The following MLANA variants were observed in gnomAD, a reference collection of about 807,000 sequenced individuals.
MLANA encodes the protein melan-A.
A neutral mutation model predicts 15.7 loss-of-function variants in MLANA; 21 were observed. The observed-to-expected ratio is 1.33, with a 90% confidence interval of 0.95 to 1.92. The LOEUF (loss-of-function observed/expected upper bound fraction) is 1.92. Among genes scored for constraint, MLANA ranks in the 40% most tolerant of loss-of-function variants. The pLI is 0.00. For missense variants in MLANA, 164 were observed against 143.8 expected (o/e 1.14, Z -0.72); for synonymous variants, 56 against 51.5 (o/e 1.09, Z -0.37).
intron 3 of MLANA, among the ~76,000 whole-genome samples, chr9:5,901,713 G>C (rs1403195236): frequency 1.3e-5 from 2 of 151,200 alleles, no homozygotes; most frequent in Non-Finnish European, 2.9e-5. Context: ...GTAGAGATGG[G>C]GTTTCACCAT....
chr9:5,896,193 T>C (rs767599953), intron 2 of MLANA, among the ~76,000 whole-genome samples: 56 of 152,346 alleles, frequency 3.7e-4, no homozygotes, highest in Non-Finnish European at 6.8e-4. Context: ...CAGCATAATG[T>C]CAGCTGTAAA....
Position 5,906,737 on chromosome 9 carries a change from G to A in MLANA, c.175-148G>A, listed in dbSNP as rs1272654291. ...CTAGATGCAAACTCAGAATTCAGAA[G>A]GTAAAGTGATGAGACTGAAGGCACA... On this transcript the variant is annotated intron_variant, in intron 3 of 4. Coordinates refer to ENST00000381477, the MANE Select transcript of MLANA (RefSeq NM_005511.2). The A allele has an allele frequency of 9.7e-6, 5 of 515,324 alleles. 1 individual carries two copies. The East Asian group carries it at 1.4e-4, about 14-fold the overall frequency. The allele number at this position is 515,324 out of a possible 1,614,324, so 31.9% of individuals were successfully genotyped here.
chr9:5,901,601 C>A (rs1451445767), intron 3 of MLANA, among the ~76,000 whole-genome samples: 4 of 152,102 alleles, frequency 2.6e-5, no homozygotes, highest in African/African-American at 9.7e-5. Context: ...TTACTGTAAC[C>A]TTCACCTCCC....
chr9:5,903,237 C>T (rs182276662), intron 3 of MLANA, among the ~76,000 whole-genome samples: 2 of 152,020 alleles, frequency 1.3e-5, no homozygotes, highest in Non-Finnish European at 2.9e-5. Context: ...TGTTTTGTGG[C>T]CCAGAATGTG....
At position 5,909,853 on chromosome 9, in the gene MLANA, G is replaced by A. The variant is rs1486711770; in HGVS notation, c.*1145G>A. 1 of 152,132 alleles carries A rather than the reference G, an allele frequency of 6.6e-6. No homozygotes were observed. The highest frequency in any genetic ancestry group is 1.9e-4 in the East Asian group (1 of 5,188). 9.4% of individuals were successfully genotyped at this position (152,132 alleles called of 1,614,324 possible). On this transcript the variant is annotated 3_prime_UTR_variant, in exon 5 of 5. Transcript: ENST00000381477. The stretch of plus-strand genomic sequence containing the variant: ...GTGTCATTATTTGCATAGCAACATT[G>A]CAATTTGTTTTCCTTTGGCTACATC...
chr9:5,891,974 C>T (rs1281573756), intron 1 of MLANA, among the ~76,000 whole-genome samples: 2 of 152,170 alleles, frequency 1.3e-5, no homozygotes, highest in South Asian at 2.1e-4. Flanking sequence ...GGGAAACACA[C>T]GTTATGTATC....
chr9:5,897,499 A>C, intron 2 of MLANA, 58 bp from the exon 3 acceptor site: 1 of 1,466,030 alleles, frequency 6.8e-7, no homozygotes, highest in Non-Finnish European at 9.6e-7. Flanking sequence ...TTTATGCTTC[A>C]TCATAATGTA....
At chr9:5,906,857 C>T in intron 3 of MLANA, 28 bp from the exon 4 acceptor site, 3 of 1,398,156 alleles carry the variant, frequency 2.1e-6, no homozygotes, top group Non-Finnish European at 2.9e-6. Flanking sequence ...TCTTCTCACC[C>T]ACTCACCTTT....
rs1831846553 is a variant in MLANA, at chr9:5,894,069, C to A, written c.77+1518C>A. 6.6e-6 allele frequency among the ~76,000 whole-genome samples: 1 copy of A among 152,156 alleles called. No homozygotes were observed. The highest frequency in any genetic ancestry group is 1.5e-5 in the Non-Finnish European group (1 of 68,042). On this transcript the variant is annotated intron_variant, in intron 2 of 4. Coordinates refer to ENST00000381477, the MANE Select transcript of MLANA (RefSeq NM_005511.2). The surrounding 1 kb of genome is among the most constrained non-coding windows in gnomAD (Gnocchi z 4.0). ...AGAGTCCATGCTCTTAAGTGTTATG[C>A]TGCAGGCCAGCAGAGGCAAATATTT...
intron 3 of MLANA, among the ~76,000 whole-genome samples, chr9:5,901,257 T>C (rs929102344): frequency 6.6e-6 from 1 of 152,212 alleles, no homozygotes; most frequent in African/African-American, 2.4e-5. Flanking sequence ...TCCAGTATGA[T>C]GCTGAAAAGG....
rs548855037 is a variant in MLANA, at chr9:5,909,163, G to A, written c.*455G>A. On this transcript the variant is annotated 3_prime_UTR_variant, in exon 5 of 5. Transcript: ENST00000381477. ...GATACTTTTACAGGTTAAGACAAAG[G>A]GTTGACTGGCCTATTTATCTGATCA... The A allele has an allele frequency of 5.2e-5, 8 of 153,990 alleles. No homozygotes were observed. The South Asian group carries it at 1.6e-3, about 30-fold the overall frequency. The allele number at this position is 153,990 out of a possible 1,614,324, so 9.5% of individuals were successfully genotyped here. A position where few individuals can be genotyped will look rare whatever the true frequency, so the allele number is the denominator to read the frequency against.
intron 2 of MLANA, among the ~76,000 whole-genome samples, chr9:5,896,174 G>C (rs1832001965): frequency 6.6e-6 from 1 of 152,202 alleles, no homozygotes; most frequent in South Asian, 2.1e-4. Context: ...GCAGCCCTGG[G>C]CACTTGACCA....
At position 5,897,601 on chromosome 9, in the gene MLANA, T is replaced by C. The variant is rs530315790; in HGVS notation, c.122T>C (p.Leu41Pro). The C allele has an allele frequency of 3.1e-6, 5 of 1,614,044 alleles. No individual in the cohort carries two copies. The highest frequency in any genetic ancestry group is 1.3e-5 in the African/African-American group (1 of 74,950). The change falls in exon 3 of 5, where the codon CTG becomes CCG. Residue 41 changes from leucine (L) to proline (P), a missense_variant. By Grantham distance (98) the Leu-to-Pro change is moderately conservative. Coordinates refer to ENST00000381477, the MANE Select transcript of MLANA (RefSeq NM_005511.2). Reference sequence around the variant, plus strand: ...CTGACAGTGATCCTGGGAGTCTTACTGCTCATCGGCTGTTGGTATTGTAGA... The same window carrying C: ...CTGACAGTGATCCTGGGAGTCTTACCGCTCATCGGCTGTTGGTATTGTAGA... ...GILTVILGVL[L>P]LIGCWYCRRR... is the part of the protein sequence containing the mutation.
chr9:5,906,407 T>C (rs1361941948), intron 3 of MLANA, among the ~76,000 whole-genome samples: 1 of 152,182 alleles, frequency 6.6e-6, no homozygotes, highest in African/African-American at 2.4e-5. Flanking sequence ...TTGGATGTTC[T>C]TCCTTTATGT....
At position 5,909,962 on chromosome 9, in the gene MLANA, C is replaced by T. The variant is rs1037213024; in HGVS notation, c.*1254C>T. The T allele has an allele frequency of 2.6e-5, 4 of 152,180 alleles. No individual in the cohort carries two copies. The highest frequency in any genetic ancestry group is 9.7e-5 in the African/African-American group (4 of 41,440). 9.4% of individuals were successfully genotyped at this position (152,180 alleles called of 1,614,324 possible). A position where few individuals can be genotyped will look rare whatever the true frequency, so the allele number is the denominator to read the frequency against. ...CTTTTTTTGGCTTTAATTCCTATTG[C>T]CATCCTGAGTGGAAAACCAGTATCA... On this transcript the variant is annotated 3_prime_UTR_variant, in exon 5 of 5. Coordinates refer to ENST00000381477, the MANE Select transcript of MLANA (RefSeq NM_005511.2).
At chr9:5,903,790 T>C (rs1375492051) in intron 3 of MLANA, among the ~76,000 whole-genome samples, 1 of 152,192 alleles carries the variant, frequency 6.6e-6, no homozygotes, top group Non-Finnish European at 1.5e-5. Context: ...GAAATCTCCT[T>C]CTGAAACTAA....
chr9:5,902,638 T>C (rs566061616), intron 3 of MLANA, among the ~76,000 whole-genome samples: 3 of 151,964 alleles, frequency 2.0e-5, no homozygotes, highest in African/African-American at 7.2e-5. Context: ...GCTAGGATTA[T>C]AGCATGTGCC....
intron 4 of MLANA, among the ~76,000 whole-genome samples, chr9:5,907,737 G>A (rs1402284255): frequency 1.3e-5 from 2 of 152,222 alleles, no homozygotes; most frequent in Admixed American, 6.5e-5. Context: ...TGGATCACCT[G>A]ATCTCAGGAG....
chr9:5,891,816 T>C (rs977612063), intron 1 of MLANA, among the ~76,000 whole-genome samples: 3 of 152,218 alleles, frequency 2.0e-5, no homozygotes, highest in African/African-American at 7.2e-5. Context: ...GGTCCTGGGC[T>C]TCCTCGGCTT....
Sources: allele counts gnomAD v4.1 joint callset (sites outside exome capture counted in the v4.1 genomes callset), GRCh38; gene constraint gnomAD v4.1.1; non-coding constraint Gnocchi (gnomAD v3.1); transcripts MANE v1.5; gene names NCBI Gene and HGNC (gene_info 2026-07-23, HGNC 2026-07-21).